Variants in GLIS3 observed in about 807,000 individuals in gnomAD.
GLIS3 encodes the protein GLIS family zinc finger 3.
In GLIS3, 53 loss-of-function variants were observed where a neutral mutation model predicts 78.6. That is an observed-to-expected ratio of 0.67 (90% CI 0.54 to 0.85). GLIS3 has a LOEUF of 0.85. Among genes scored for constraint, GLIS3 ranks in the 40% least tolerant of loss-of-function variants. GLIS3 has a pLI of 0.00. For synonymous variants in GLIS3, 684 were observed against 509.9 expected (o/e 1.34, Z -4.60); for missense variants, 1,703 against 1,231.1 (o/e 1.38, Z -5.74).
At chr9:4,385,376 G>A in the GLIS3 span, among the ~76,000 whole-genome samples, 7 of 152,148 alleles carry the variant, frequency 4.6e-5, no homozygotes, top group Non-Finnish European at 5.9e-5. Flanking sequence ...AGAAAATACA[G>A]TTCTTGGCCA....
intron 2 of GLIS3, among the ~76,000 whole-genome samples, chr9:4,282,211 C>T (rs982814198): frequency 6.6e-6 from 1 of 152,032 alleles, no homozygotes; most frequent in Non-Finnish European, 1.5e-5. Context: ...TCTTAGCCGC[C>T]GTGTAAACTG....
the GLIS3 span, among the ~76,000 whole-genome samples, chr9:4,480,942 C>T: frequency 3.3e-5 from 5 of 151,876 alleles, no homozygotes; most frequent in East Asian, 7.8e-4. Context: ...GAGGTCCGGA[C>T]CTCGGGGGTT....
chr9:4,136,998 A>G (rs1030088287), intron 2 of GLIS3, among the ~76,000 whole-genome samples: 1 of 152,196 alleles, frequency 6.6e-6, no homozygotes, highest in Non-Finnish European at 1.5e-5. Flanking sequence ...GGCGCATCCC[A>G]TTAGGAGCAG....
At chr9:4,243,890 A>C (rs1056545612) in intron 2 of GLIS3, among the ~76,000 whole-genome samples, 1 of 152,194 alleles carries the variant, frequency 6.6e-6, no homozygotes, top group African/African-American at 2.4e-5. Flanking sequence ...CATGAGGTGG[A>C]GCTTAGAAGA....
At chr9:4,186,301 A>G (rs1563719146) in intron 2 of GLIS3, among the ~76,000 whole-genome samples, 1 of 151,874 alleles carries the variant, frequency 6.6e-6, no homozygotes, top group Non-Finnish European at 1.5e-5. Flanking sequence ...TTCCAATTTC[A>G]TCCATGTCCC....
the GLIS3 span, among the ~76,000 whole-genome samples, chr9:4,411,940 A>T: frequency 6.6e-6 from 1 of 152,270 alleles, no homozygotes; most frequent in South Asian, 2.1e-4. Context: ...TAGTTTAGAT[A>T]AAATAATCTG....
the GLIS3 span, among the ~76,000 whole-genome samples, chr9:4,378,447 A>C: frequency 6.6e-6 from 1 of 152,090 alleles, no homozygotes; most frequent in African/African-American, 2.4e-5. Flanking sequence ...TCACCCTCTC[A>C]GTCCAGCTTT....
intron 2 of GLIS3, among the ~76,000 whole-genome samples, chr9:4,257,011 G>C (rs1825010589): frequency 6.6e-6 from 1 of 152,062 alleles, no homozygotes; most frequent in Admixed American, 6.5e-5. Flanking sequence ...CACATATATA[G>C]TACATATATG....
At chr9:4,031,936 C>T (rs1182783130) in intron 4 of GLIS3, among the ~76,000 whole-genome samples, 1 of 152,196 alleles carries the variant, frequency 6.6e-6, no homozygotes, top group Non-Finnish European at 1.5e-5. Flanking sequence ...TAGACTCTGG[C>T]TAGCCAGGAA....
intron 2 of GLIS3, among the ~76,000 whole-genome samples, chr9:4,146,536 C>G (rs768232638): frequency 6.6e-6 from 1 of 152,178 alleles, no homozygotes; most frequent in South Asian, 2.1e-4. Context: ...TGCAACACTA[C>G]TCAGCAGCAA....
intron 4 of GLIS3, among the ~76,000 whole-genome samples, chr9:3,987,037 A>T (rs2129697854): frequency 6.6e-6 from 1 of 152,392 alleles, no homozygotes; most frequent in South Asian, 2.1e-4. Flanking sequence ...AAGGATTTTA[A>T]AGCAGCTGTC....
the GLIS3 span, among the ~76,000 whole-genome samples, chr9:4,432,521 G>T: frequency 6.6e-6 from 1 of 151,894 alleles, no homozygotes; most frequent in Non-Finnish European, 1.5e-5. Flanking sequence ...AAGTTCGGAT[G>T]TTCAGCAGCA....
the GLIS3 span, among the ~76,000 whole-genome samples, chr9:4,358,125 T>A: frequency 1.2e-4 from 19 of 152,352 alleles, no homozygotes; most frequent in African/African-American, 4.6e-4. Context: ...TATGTGTGTA[T>A]GTACATATCC....
intron 4 of GLIS3, among the ~76,000 whole-genome samples, chr9:3,942,471 G>T (rs556309982): frequency 3.5e-4 from 53 of 152,298 alleles, no homozygotes; most frequent in African/African-American, 1.2e-3. Context: ...CTGTCAAAGT[G>T]ACTTCCACAA....
At chr9:4,286,870 G>A (rs1010126634) in intron 1 of GLIS3, among the ~76,000 whole-genome samples, 2 of 152,194 alleles carry the variant, frequency 1.3e-5, no homozygotes, top group Admixed American at 1.3e-4. Flanking sequence ...TTTTGCTACA[G>A]TGGGTCTTGG....
At chr9:4,407,974 C>T in the GLIS3 span, among the ~76,000 whole-genome samples, 9 of 152,192 alleles carry the variant, frequency 5.9e-5, no homozygotes, top group African/African-American at 2.2e-4. Flanking sequence ...AAAGACATTT[C>T]TAAGATGACA....
the GLIS3 span, among the ~76,000 whole-genome samples, chr9:4,399,926 A>T: frequency 6.6e-6 from 1 of 152,194 alleles, no homozygotes; most frequent in Non-Finnish European, 1.5e-5. Flanking sequence ...GTGAGATACT[A>T]CGTGGTCTTT....
At chr9:4,321,376 G>A (rs537275013) in intron 2 of GLIS3, among the ~76,000 whole-genome samples, 9 of 111,858 alleles carry the variant, frequency 8.0e-5, no homozygotes, top group Non-Finnish European at 1.3e-4. Flanking sequence ...GAGCCGAGAT[G>A]GCGCCACTGC....
At position 4,231,675 on chromosome 9, in the gene GLIS3, T is replaced by G. The variant is rs1200418820; in HGVS notation, c.388+54363A>C. On this transcript the variant is annotated intron_variant, in intron 2 of 10. Coordinates refer to ENST00000381971, the MANE Select transcript of GLIS3 (RefSeq NM_001042413.2). The stretch of plus-strand genomic sequence containing the variant: ...CGTCAAGGCCAACAATGTAAAAATC[T>G]TCAAAGTTCTAAGGAAAACAGCTGT... Among the ~76,000 whole-genome samples the G allele has an allele frequency of 2.6e-5, 4 of 152,310 alleles. No homozygotes were observed. The South Asian group carries it at 6.2e-4, about 24-fold the overall frequency.
Sources: allele counts gnomAD v4.1 joint callset (sites outside exome capture counted in the v4.1 genomes callset), GRCh38; gene constraint gnomAD v4.1.1; transcripts MANE v1.5; gene names NCBI Gene and HGNC (gene_info 2026-07-23, HGNC 2026-07-21).